The following GABPB1 variants were observed in gnomAD, a reference collection of about 807,000 sequenced individuals.
GABPB1 encodes GA-binding protein subunit beta-1.
GABPB1 carries 15 observed loss-of-function variants against 45.9 expected under a neutral mutation model. The observed-to-expected ratio is 0.33, with a 90% CI of 0.22 to 0.50. The LOEUF (loss-of-function observed/expected upper bound fraction) is 0.50, where lower values mean the gene tolerates loss of function less well. Ranked by LOEUF, GABPB1 falls within the 20% of genes least tolerant of loss-of-function variation. The pLI, the probability that GABPB1 is intolerant of heterozygous loss-of-function variation, is 0.98. For synonymous variants in GABPB1, 143 were observed against 154.4 expected, an observed-to-expected ratio of 0.93 and a Z score of 0.55; for missense variants, 252 against 457.5, an observed-to-expected ratio of 0.55 and a Z score of 4.10.
At position 50,318,929 on chromosome 15, in the gene GABPB1, G is replaced by A. The variant is rs151110043; in HGVS notation, c.1-9131C>T. Among the ~76,000 whole-genome samples the A allele has an allele frequency of 3.3e-5, 5 of 152,298 alleles. No individual in the cohort carries two copies. In the East Asian group the frequency reaches 5.8e-4, roughly 18 times the overall value. On this transcript the variant is annotated intron_variant, in intron 1 of 8. Coordinates refer to ENST00000380877, the MANE Select transcript of GABPB1 (RefSeq NM_016654.5). ...CACGCATTTCCTTTGTGGTATAGGC[G>A]TGGATTAGCTAAGAATAATAGTTCC...
intron 6 of GABPB1, among the ~76,000 whole-genome samples, chr15:50,297,650 C>T (rs372255572): frequency 6.6e-6 from 1 of 152,218 alleles, no homozygotes; most frequent in Non-Finnish European, 1.5e-5. Context: ...GCCTGGCCAA[C>T]ATGGCGAAAC....
rs1476464491 is a variant in GABPB1 at position 50,275,924 on chromosome 15, T to C, written c.*2708A>G. 1 of 152,226 alleles carries C rather than the reference T, an allele frequency of 6.6e-6. No homozygotes were observed. Among genetic ancestry groups the C allele is most frequent in the East Asian group, 1.9e-4 (1 of 5,200 alleles). 9.4% of individuals were successfully genotyped at this position (152,226 alleles called of 1,614,324 possible). On this transcript the variant is annotated 3_prime_UTR_variant, in exon 9 of 9. Transcript: ENST00000380877. ...TATAATTCTAGAGGTCCAGGGACTA[T>C]ACAGAGGGAAGTGTTAAATCTGAAT...
intron 1 of GABPB1, among the ~76,000 whole-genome samples, chr15:50,320,197 C>T (rs1339030587): frequency 6.6e-6 from 1 of 152,126 alleles, no homozygotes; most frequent in Non-Finnish European, 1.5e-5. Flanking sequence ...GATGGAGTTT[C>T]GCTCTTGTTG....
intron 8 of GABPB1, among the ~76,000 whole-genome samples, chr15:50,281,530 A>G (rs1250200121): frequency 6.6e-6 from 1 of 152,196 alleles, no homozygotes; most frequent in African/African-American, 2.4e-5. Context: ...TTTAAAAGAG[A>G]GAAACTGGGC....
Position 50,314,754 on chromosome 15 carries a change from T to C in GABPB1, c.1-4956A>G, listed in dbSNP as rs570532980. 4 of 152,384 alleles carry C rather than the reference T, an allele frequency of 2.6e-5. No homozygotes were observed. In the Middle Eastern group the frequency reaches 0.01, roughly 389 times the overall value. 9.4% of individuals were successfully genotyped at this position (152,384 alleles called of 1,614,324 possible). A position where few individuals can be genotyped will look rare whatever the true frequency, so the allele number is the denominator to read the frequency against. Reference sequence around the variant, plus strand: ...ATATCTACGGCTGGAATATAACATGTAAACAAAACGTATTTTTCCACAGTG... The same window carrying C: ...ATATCTACGGCTGGAATATAACATGCAAACAAAACGTATTTTTCCACAGTG... On this transcript the variant is annotated intron_variant, in intron 1 of 8. Coordinates refer to ENST00000380877, the MANE Select transcript of GABPB1 (RefSeq NM_016654.5).
At chr15:50,287,847 C>T (rs531760167) in intron 7 of GABPB1, among the ~76,000 whole-genome samples, 5 of 152,304 alleles carry the variant, frequency 3.3e-5, no homozygotes, top group African/African-American at 1.2e-4. Context: ...CAGAGTGGGA[C>T]AGAATGGCCT....
chr15:50,344,700 T>C (rs550848063), intron 1 of GABPB1, among the ~76,000 whole-genome samples: 2 of 152,182 alleles, frequency 1.3e-5, no homozygotes, highest in African/African-American at 4.8e-5. Flanking sequence ...TAGCCAGGCA[T>C]GGTGGTGCAC....
At chr15:50,281,368 T>C (rs924350647) in intron 8 of GABPB1, among the ~76,000 whole-genome samples, 40 of 138,868 alleles carry the variant, frequency 2.9e-4, no homozygotes, top group South Asian at 4.6e-4. Flanking sequence ...CACGCCACCA[T>C]GCTCAGCTAA....
At chr15:50,319,880 CAT>C (rs777815282) in intron 1 of GABPB1, among the ~76,000 whole-genome samples, 53 of 152,192 alleles carry the variant, frequency 3.5e-4, no homozygotes, top group Admixed American at 9.2e-4. Flanking sequence ...TAAACAAACA[CAT>C]GTTTACTGTA....
Position 50,302,937 on chromosome 15 carries a change from T to A in GABPB1, c.463A>T (p.Ile155Leu). The change falls in exon 4 of 9, where the codon ATA becomes TTA. Residue 155 changes from isoleucine (I) to leucine (L), a missense_variant. Physicochemically the swap from Ile to Leu is conservative, Grantham distance 5. This residue lies in a region of GABPB1 where 193 missense variants were observed against 259.9 expected (regional missense o/e 0.74). Coordinates refer to ENST00000380877, the MANE Select transcript of GABPB1 (RefSeq NM_016654.5). ...IDNGNEDLAE[I>L]LQIAMQNQIN... ...TAAAAGCCAAAAGTTACCTGTAATATCTCTGCTAAATCTTCATTTCCATTG... is the reference window on the plus strand; with the variant it reads ...TAAAAGCCAAAAGTTACCTGTAATAACTCTGCTAAATCTTCATTTCCATTG... 6.2e-7 allele frequency: 1 copy of A among 1,609,484 alleles called. No individual in the cohort carries two copies. Among genetic ancestry groups the A allele is most frequent in the Non-Finnish European group, 8.5e-7 (1 of 1,177,244 alleles).
chr15:50,348,729 G>A (rs998079542), intron 1 of GABPB1, among the ~76,000 whole-genome samples: 1 of 151,864 alleles, frequency 6.6e-6, no homozygotes, highest in Admixed American at 6.6e-5. Context: ...GGGCGTCGTG[G>A]CGCGCACCTG....
intron 1 of GABPB1, among the ~76,000 whole-genome samples, chr15:50,325,327 C>G (rs569304931): frequency 1.0e-4 from 15 of 148,444 alleles, no homozygotes; most frequent in Admixed American, 9.4e-4. Context: ...AAAAAAGGCA[C>G]GGCTAAAAGC....
intron 6 of GABPB1, among the ~76,000 whole-genome samples, chr15:50,290,536 A>G (rs1595741323): frequency 1.3e-5 from 2 of 152,022 alleles, no homozygotes; most frequent in Admixed American, 1.3e-4. Flanking sequence ...GGTTGCAATG[A>G]GAAGAGATCA....
intron 1 of GABPB1, among the ~76,000 whole-genome samples, chr15:50,311,206 C>T (rs1433471333): frequency 6.6e-6 from 1 of 151,972 alleles, no homozygotes; most frequent in Non-Finnish European, 1.5e-5. Context: ...GATGACAGTT[C>T]TGAGAAGAAA....
Position 50,278,621 on chromosome 15 carries a change from G to C in GABPB1, c.*11C>G. 6.2e-7 allele frequency: 1 copy of C among 1,608,228 alleles called. No homozygotes were observed. The highest frequency in any genetic ancestry group is 8.5e-7 in the Non-Finnish European group (1 of 1,177,890). On this transcript the variant is annotated 3_prime_UTR_variant, in exon 9 of 9. Coordinates refer to ENST00000380877, the MANE Select transcript of GABPB1 (RefSeq NM_016654.5). Reference sequence around the variant, plus strand: ...GACCAAAAGTAAAATCAAACTACATGTTCATTTCAATTAAACAGCTTCTTT... The same window carrying C: ...GACCAAAAGTAAAATCAAACTACATCTTCATTTCAATTAAACAGCTTCTTT...
At chr15:50,316,560 C>G (rs2047335950) in intron 1 of GABPB1, among the ~76,000 whole-genome samples, 1 of 151,908 alleles carries the variant, frequency 6.6e-6, no homozygotes, top group Admixed American at 6.6e-5. Context: ...ATATAAATCT[C>G]CTAAAGATTT....
rs767140484 is a variant in GABPB1, at chr15:50,300,844, T to C, written c.642A>G (p.Thr214=). 6.2e-7 allele frequency: 1 copy of C among 1,613,454 alleles called. No individual in the cohort carries two copies. Among genetic ancestry groups the C allele is most frequent in the South Asian group, 1.1e-5 (1 of 91,076 alleles). ...FGNSSTSVLA[T]LAALAEASAP... The stretch of plus-strand genomic sequence containing the variant: ...CAGATGCTTCAGCTAAGGCAGCTAA[T>C]GTAGCTAATACTGATGTAGAAGAGT... The change falls in exon 6 of 9, where the codon ACA becomes ACG. Residue 214 remains threonine, a synonymous_variant. Coordinates refer to ENST00000380877, the MANE Select transcript of GABPB1 (RefSeq NM_016654.5).
intron 1 of GABPB1, among the ~76,000 whole-genome samples, chr15:50,336,227 C>A (rs1234307848): frequency 6.6e-6 from 1 of 151,202 alleles, no homozygotes; most frequent in Non-Finnish European, 1.5e-5. Flanking sequence ...GGGGCAAGTG[C>A]CTGTAATTCT....
At chr15:50,284,958 C>T (rs936302481) in intron 8 of GABPB1, among the ~76,000 whole-genome samples, 3 of 152,018 alleles carry the variant, frequency 2.0e-5, no homozygotes, top group Admixed American at 6.6e-5. Context: ...CCAAATATTC[C>T]GGTTTAACCA....
Sources: allele counts gnomAD v4.1 joint callset (sites outside exome capture counted in the v4.1 genomes callset), GRCh38; gene constraint gnomAD v4.1.1; regional missense constraint gnomAD v4.1.1; transcripts MANE v1.5; gene names NCBI Gene and HGNC (gene_info 2026-07-23, HGNC 2026-07-21).